The following CADM2 variants were observed in gnomAD, a reference collection of about 807,000 sequenced individuals.
CADM2 encodes the protein immunoglobulin superfamily member 4D.
Under a neutral mutation model 49.8 loss-of-function variants are expected in CADM2, and 12 were observed. That is an observed-to-expected ratio of 0.24 (90% confidence interval 0.15 to 0.39). The LOEUF is 0.39. Ranked by LOEUF, CADM2 falls within the 10% of genes least tolerant of loss-of-function variation. CADM2 has a pLI of 1.00. For missense variants in CADM2, 378 were observed against 492.3 expected (o/e 0.77, Z 2.20); for synonymous variants, 214 against 175.4 (o/e 1.22, Z -1.74).
chr3:85,672,462 A>G (rs2065772372), intron 1 of CADM2, among the ~76,000 whole-genome samples: 1 of 152,022 alleles, frequency 6.6e-6, no homozygotes, highest in Admixed American at 6.6e-5. Context: ...AGGATTTCTT[A>G]ATGATATGCA....
intron 1 of CADM2, among the ~76,000 whole-genome samples, chr3:85,247,299 C>T (rs945402986): frequency 1.3e-5 from 2 of 151,972 alleles, no homozygotes; most frequent in African/African-American, 4.8e-5. Context: ...AAAATATTTA[C>T]TCTAACATTA....
At chr3:85,041,892 C>A (rs2035458409) in intron 1 of CADM2, among the ~76,000 whole-genome samples, 1 of 152,144 alleles carries the variant, frequency 6.6e-6, no homozygotes, top group Non-Finnish European at 1.5e-5. Context: ...AAAAAAAAGT[C>A]TTACAGTAAG....
In CADM2 at chr3:85,529,715, A is replaced by T. The variant is rs535408867; in HGVS notation, c.62-196807A>T. ...CCGTCACTGCTTGCTCTATGCATTT[A>T]CCTGCCCTCAGCATTTGGAACGTAT... is the stretch of plus-strand genomic sequence containing the variant. On this transcript the variant is annotated intron_variant, in intron 1 of 9. Coordinates refer to ENST00000383699, the MANE Select transcript of CADM2 (RefSeq NM_001167675.2). 6.6e-5 allele frequency among the ~76,000 whole-genome samples: 10 copies of T among 151,940 alleles called. No homozygotes were observed. The South Asian group carries it at 2.1e-3, about 32-fold the overall frequency.
At chr3:86,052,342 T>A (rs886211342) in intron 8 of CADM2, among the ~76,000 whole-genome samples, 6 of 152,174 alleles carry the variant, frequency 3.9e-5, no homozygotes, top group African/African-American at 1.2e-4. Context: ...TGAAAAGTTT[T>A]AAAATTTTAC....
intron 1 of CADM2, among the ~76,000 whole-genome samples, chr3:85,227,302 G>C (rs1576164169): frequency 6.6e-6 from 1 of 152,082 alleles, no homozygotes; most frequent in African/African-American, 2.4e-5. Flanking sequence ...ATGGATCTCA[G>C]TGCTCCTGTA....
chr3:85,153,946 C>A (rs1389809378), intron 1 of CADM2, among the ~76,000 whole-genome samples: 1 of 152,076 alleles, frequency 6.6e-6, no homozygotes, highest in Non-Finnish European at 1.5e-5. Context: ...TGTACATCAC[C>A]ATCATCAAAG....
chr3:85,769,659 A>T (rs2069964964), intron 2 of CADM2, among the ~76,000 whole-genome samples: 1 of 128,708 alleles, frequency 7.8e-6, no homozygotes, highest in Admixed American at 8.9e-5. Flanking sequence ...ATACATATAT[A>T]GTATATATAT....
At chr3:85,566,614 A>C (rs1273079546) in intron 1 of CADM2, among the ~76,000 whole-genome samples, 2 of 152,146 alleles carry the variant, frequency 1.3e-5, no homozygotes, top group African/African-American at 4.8e-5. Context: ...AATAACTGGG[A>C]GAATCTAGTA....
At chr3:85,447,146 C>T (rs1205366940) in intron 1 of CADM2, among the ~76,000 whole-genome samples, 1 of 150,582 alleles carries the variant, frequency 6.6e-6, no homozygotes, top group Non-Finnish European at 1.5e-5. Context: ...GCTATATTGG[C>T]CCCAGAGGAG....
chr3:85,830,801 A>T (rs776808604), intron 3 of CADM2, among the ~76,000 whole-genome samples: 82 of 72,608 alleles, frequency 1.1e-3, no homozygotes, highest in Non-Finnish European at 2.0e-3. Context: ...TGTGCATTTT[A>T]TTTATTTATT....
intron 1 of CADM2, among the ~76,000 whole-genome samples, chr3:85,621,721 G>C (rs1461508742): frequency 6.6e-6 from 1 of 152,160 alleles, no homozygotes; most frequent in East Asian, 1.9e-4. Flanking sequence ...TCTGTGATTT[G>C]GATAATGAAC....
intron 1 of CADM2, among the ~76,000 whole-genome samples, chr3:85,214,225 A>G (rs1246987295): frequency 6.6e-6 from 1 of 152,036 alleles, no homozygotes; most frequent in East Asian, 1.9e-4. Flanking sequence ...GTGGTAAGAT[A>G]TGGATGAATT....
At chr3:85,448,887 A>G (rs2037604770) in intron 1 of CADM2, among the ~76,000 whole-genome samples, 1 of 151,554 alleles carries the variant, frequency 6.6e-6, no homozygotes, top group Admixed American at 6.6e-5. Flanking sequence ...CGCCTCTACT[A>G]AAAATACAAA....
At chr3:85,000,114 T>TTCTCTCTCTCTCTC (rs59094520) in intron 1 of CADM2, among the ~76,000 whole-genome samples, 3,027 of 136,748 alleles carry the variant, frequency 0.022, 59 homozygotes, top group Non-Finnish European at 0.023. Flanking sequence ...TGCTTCTACT[T>TTCTCTCTCTCTCTC]TCTCTCTCTC....
intron 3 of CADM2, among the ~76,000 whole-genome samples, chr3:85,853,506 G>A (rs1413593146): frequency 6.6e-6 from 1 of 151,802 alleles, no homozygotes; most frequent in Non-Finnish European, 1.5e-5. Flanking sequence ...TCTTACCTTG[G>A]TTTATTAAAT....
chr3:85,380,576 G>A (rs963840481), intron 1 of CADM2, among the ~76,000 whole-genome samples: 3 of 151,722 alleles, frequency 2.0e-5, no homozygotes, highest in Admixed American at 6.6e-5. Flanking sequence ...GCCAATGTTT[G>A]TATTATTTTT....
intron 1 of CADM2, among the ~76,000 whole-genome samples, chr3:85,287,770 A>G (rs1274975982): frequency 2.0e-5 from 3 of 152,142 alleles, no homozygotes; most frequent in African/African-American, 4.8e-5. Context: ...AATTAGATTT[A>G]TATTTTTTGA....
intron 1 of CADM2, among the ~76,000 whole-genome samples, chr3:84,994,594 A>G (rs928790599): frequency 6.6e-6 from 1 of 152,168 alleles, no homozygotes; most frequent in Non-Finnish European, 1.5e-5. Context: ...GTTGAGTCAT[A>G]ATTTACATTA....
intron 5 of CADM2, among the ~76,000 whole-genome samples, chr3:85,903,841 A>T (rs555376645): frequency 6.6e-6 from 1 of 152,062 alleles, no homozygotes; most frequent in African/African-American, 2.4e-5. Flanking sequence ...CAATAATGCT[A>T]TGTGCATAAG....
Sources: allele counts gnomAD v4.1 joint callset (sites outside exome capture counted in the v4.1 genomes callset), GRCh38; gene constraint gnomAD v4.1.1; transcripts MANE v1.5; gene names NCBI Gene and HGNC (gene_info 2026-07-23, HGNC 2026-07-21).